GALNT5: variants seen among roughly 807,000 people sequenced by gnomAD.
The protein encoded by GALNT5 is UDP-GalNAc:polypeptide N-acetylgalactosaminyltransferase 5.
A neutral mutation model predicts 85.4 loss-of-function variants in GALNT5; 72 were observed. That is an observed-to-expected ratio of 0.84 (90% CI 0.70 to 1.03). GALNT5 has a LOEUF of 1.03. Ranked by LOEUF, GALNT5 falls within the 50% of genes least tolerant of loss-of-function variation. The pLI, the probability that GALNT5 is intolerant of heterozygous loss-of-function variation, is 0.00. For missense variants in GALNT5, 1,137 were observed against 1,135.5 expected, an observed-to-expected ratio of 1.00 and a Z score of -0.02; for synonymous variants, 404 against 397.0, an observed-to-expected ratio of 1.02 and a Z score of -0.21.
At chr2:157,271,241 TAAC>T (rs1338259183) in intron 1 of GALNT5, among the ~76,000 whole-genome samples, 2 of 151,980 alleles carry the variant, frequency 1.3e-5, no homozygotes, top group African/African-American at 2.4e-5. Context: ...GTTAAGCAAA[TAAC>T]AAAAGCTGGA....
At chr2:157,264,064 TTTTGACAGTTAAAG>T (rs1682405936) in intron 1 of GALNT5, among the ~76,000 whole-genome samples, 1 of 152,188 alleles carries the variant, frequency 6.6e-6, no homozygotes, top group Admixed American at 6.5e-5. Context: ...TAAAATGCTT[TTTTGACAGTTAAAG>T]TTCCATATTT....
intron 1 of GALNT5, among the ~76,000 whole-genome samples, chr2:157,270,103 T>G (rs1454982368): frequency 6.6e-6 from 1 of 152,142 alleles, no homozygotes; most frequent in East Asian, 1.9e-4. Context: ...CTCAGGCTAT[T>G]AAACTCCCCT....
chr2:157,274,028 A>G (rs188694760), intron 1 of GALNT5, among the ~76,000 whole-genome samples: 305 of 151,990 alleles, frequency 2.0e-3, no homozygotes, highest in African/African-American at 6.9e-3. Context: ...CTTGTGTCCA[A>G]GTGTTCTCAT....
At chr2:157,290,112 T>TATATATATATAAACACAC (rs1416458086) in intron 3 of GALNT5, among the ~76,000 whole-genome samples, 1 of 138,234 alleles carries the variant, frequency 7.2e-6, no homozygotes, top group Non-Finnish European at 1.5e-5. Flanking sequence ...TATATATATA[T>TATATATATATAAACACAC]ACATACACAA....
chr2:157,284,674 C>G (rs2289940), intron 2 of GALNT5, among the ~76,000 whole-genome samples: 29,261 of 152,170 alleles, frequency 0.19, 3,326 homozygotes, highest in East Asian at 0.46. Flanking sequence ...ACTCTGCTAC[C>G]ATGTTGGAAT....
At chr2:157,285,387 T>C (rs1337263555) in intron 2 of GALNT5, among the ~76,000 whole-genome samples, 1 of 152,210 alleles carries the variant, frequency 6.6e-6, no homozygotes, top group African/African-American at 2.4e-5. Flanking sequence ...TTCAGGGTCC[T>C]GTCTAAGAAA....
intron 1 of GALNT5, among the ~76,000 whole-genome samples, chr2:157,265,981 C>T (rs1394064527): frequency 6.6e-6 from 1 of 152,188 alleles, no homozygotes; most frequent in Non-Finnish European, 1.5e-5. Context: ...CTCATTTAAT[C>T]CTTAAAACAA....
At chr2:157,288,710 A>T (rs1486554574) in intron 3 of GALNT5, among the ~76,000 whole-genome samples, 3 of 152,208 alleles carry the variant, frequency 2.0e-5, no homozygotes, top group Non-Finnish European at 4.4e-5. Context: ...AATAGGAACG[A>T]AACTGTCTGA....
chr2:157,304,103 A>G (rs1683403748), intron 7 of GALNT5, among the ~76,000 whole-genome samples: 1 of 152,230 alleles, frequency 6.6e-6, no homozygotes, highest in Admixed American at 6.5e-5. Flanking sequence ...CTGCTTCAGT[A>G]CAGAGAGCAA....
chr2:157,289,419 T>C (rs1285064990), intron 3 of GALNT5, among the ~76,000 whole-genome samples: 1 of 152,256 alleles, frequency 6.6e-6, no homozygotes, highest in African/African-American at 2.4e-5. Context: ...CACAACTCAG[T>C]ACATGTGTAA....
chr2:157,293,933 G>A (rs550242570), intron 3 of GALNT5, among the ~76,000 whole-genome samples: 76 of 152,242 alleles, frequency 5.0e-4, no homozygotes, highest in Admixed American at 3.9e-3. Context: ...TGTTAGCTGT[G>A]CAACCATAGA....
intron 1 of GALNT5, among the ~76,000 whole-genome samples, chr2:157,283,100 T>C (rs143094409): frequency 2.0e-5 from 3 of 152,342 alleles, no homozygotes; most frequent in African/African-American, 7.2e-5. Context: ...ATGGTTACTT[T>C]TGGAGCCAGA....
rs569882965 is a variant in GALNT5, at chr2:157,295,574, T to A, written c.1742-89T>A. On this transcript the variant is annotated intron_variant, in intron 3 of 9. Coordinates refer to ENST00000259056, the MANE Select transcript of GALNT5 (RefSeq NM_014568.3). Reference sequence around the variant, plus strand: ...GTCACTGCATTTATAGCCACATTTCTGGAGCAATCATCAATACCTTTGAAC... The same window carrying A: ...GTCACTGCATTTATAGCCACATTTCAGGAGCAATCATCAATACCTTTGAAC... 1.1e-3 allele frequency: 1,086 copies of A among 988,626 alleles called. 1 individual carries two copies. Among genetic ancestry groups the A allele is most frequent in the Middle Eastern group, 2.0e-3 (9 of 4,584 alleles). 61.2% of individuals were successfully genotyped at this position (988,626 alleles called of 1,614,324 possible). A position where few individuals can be genotyped will look rare whatever the true frequency, so the allele number is the denominator to read the frequency against.
intron 1 of GALNT5, among the ~76,000 whole-genome samples, chr2:157,277,731 G>C (rs1385945105): frequency 1.3e-5 from 2 of 152,034 alleles, no homozygotes; most frequent in Non-Finnish European, 2.9e-5. Flanking sequence ...ACATGAGATG[G>C]GTCTCCTGAA....
intron 3 of GALNT5, among the ~76,000 whole-genome samples, chr2:157,290,087 G>GTATATATATATGTA (rs1683063028): frequency 7.6e-6 from 1 of 131,674 alleles, no homozygotes; most frequent in African/African-American, 3.3e-5. Flanking sequence ...AAAAAAAAAT[G>GTATATATATATGTA]TATATATATA....
rs1553463134 is a variant in GALNT5 at position 157,291,642 on chromosome 2, C to CA, written c.1742-4020dup. Among the ~76,000 whole-genome samples the CA allele has an allele frequency of 3.4e-5, 5 of 145,266 alleles. No individual in the cohort carries two copies. In the East Asian group the frequency reaches 6.1e-4, roughly 18 times the overall value. On this transcript the variant is annotated intron_variant, in intron 3 of 9. Transcript: ENST00000259056. ...TTTTATGTTACCACCCACCCCCCCC[C>CA]AGATTTTTAAGTTACAAATGAAACC... is the stretch of plus-strand genomic sequence containing the variant.
At chr2:157,290,643 G>A (rs1427056949) in intron 3 of GALNT5, among the ~76,000 whole-genome samples, 4 of 152,046 alleles carry the variant, frequency 2.6e-5, no homozygotes, top group Non-Finnish European at 5.9e-5. Context: ...TTAAAGATAA[G>A]AATCTGAGTC....
In GALNT5 at chr2:157,258,702, C is replaced by T. The variant is rs1682259732; in HGVS notation, c.620C>T (p.Thr207Ile). ...PRKSHSPSSD[T>I]SKLAAERDLN... is the part of the protein sequence containing the mutation. The stretch of plus-strand genomic sequence containing the variant: ...AAGAGTCATAGTCCCAGCAGTGACA[C>T]ATCAAAACTAGCAGCTGAAAGGGAC... The change falls in exon 1 of 10, where the codon ACA (threonine) becomes ATA (isoleucine). Residue 207 changes from threonine (T) to isoleucine (I), a missense_variant. Transcript: ENST00000259056. The T allele has an allele frequency of 6.2e-6, 10 of 1,613,804 alleles. No individual in the cohort carries two copies. Among genetic ancestry groups the T allele is most frequent in the Non-Finnish European group, 8.5e-6 (10 of 1,179,996 alleles).
At chr2:157,259,655 T>C in intron 1 of GALNT5, 119 bp downstream of exon 1, 1 of 657,890 alleles carries the variant, frequency 1.5e-6, no homozygotes, top group Non-Finnish European at 2.3e-6. Context: ...AAAGAAACAT[T>C]AATCATTGGA....
Sources: gnomAD v4.1 joint callset for allele counts (sites outside exome capture counted in the v4.1 genomes callset) on GRCh38, gnomAD v4.1.1 for gene constraint, MANE v1.5 for transcripts, NCBI Gene and HGNC (gene_info 2026-07-23, HGNC 2026-07-21) for gene names.